CADPS2: variants seen among roughly 807,000 people sequenced by gnomAD.
CADPS2 encodes calcium-dependent secretion activator 2.
CADPS2 carries 93 observed loss-of-function variants against 172.5 expected under a neutral mutation model. That is an observed-to-expected ratio of 0.54 (90% CI 0.46 to 0.64). The LOEUF (loss-of-function observed/expected upper bound fraction) is 0.64, where lower values mean the gene tolerates loss of function less well. CADPS2 is among the 30% of genes least tolerant of loss of function. The pLI is 0.00. For missense variants in CADPS2, 1,420 were observed against 1,565.9 expected (o/e 0.91, Z 1.57); for synonymous variants, 546 against 555.2 (o/e 0.98, Z 0.23).
At chr7:122,673,376 A>G (rs1418553031) in intron 2 of CADPS2, among the ~76,000 whole-genome samples, 1 of 152,190 alleles carries the variant, frequency 6.6e-6, no homozygotes, top group Non-Finnish European at 1.5e-5. Context: ...GTGCATTTAC[A>G]ATCCCTGAGC....
chr7:122,871,720 A>G (rs1161321312), intron 1 of CADPS2, among the ~76,000 whole-genome samples: 1 of 152,034 alleles, frequency 6.6e-6, no homozygotes, highest in Non-Finnish European at 1.5e-5. Context: ...AACATTTTCA[A>G]TCTCCATCTT....
chr7:122,557,907 GA>G, intron 7 of CADPS2, among the ~76,000 whole-genome samples: 1 of 152,266 alleles, frequency 6.6e-6, no homozygotes, highest in South Asian at 2.1e-4. Context: ...GTCACCTTGG[GA>G]AAAGGTGATC....
At chr7:122,844,551 A>C (rs2140980857) in intron 1 of CADPS2, among the ~76,000 whole-genome samples, 1 of 152,366 alleles carries the variant, frequency 6.6e-6, no homozygotes, top group Non-Finnish European at 1.5e-5. Context: ...TTATCACATT[A>C]ATGCACAGGA....
At chr7:122,361,860 G>A (rs1400755312) in intron 25 of CADPS2, among the ~76,000 whole-genome samples, 1 of 152,020 alleles carries the variant, frequency 6.6e-6, no homozygotes, top group Non-Finnish European at 1.5e-5. Context: ...GATCGCCTGA[G>A]GTCAGGAGTT....
intron 1 of CADPS2, among the ~76,000 whole-genome samples, chr7:122,824,147 G>A (rs183436962): frequency 6.6e-6 from 1 of 152,180 alleles, no homozygotes; most frequent in African/African-American, 2.4e-5. Context: ...AAAAAATATA[G>A]ATAATACAGT....
At chr7:122,833,289 T>C (rs981266118) in intron 1 of CADPS2, among the ~76,000 whole-genome samples, 4 of 152,244 alleles carry the variant, frequency 2.6e-5, no homozygotes, top group African/African-American at 9.6e-5. Context: ...TTTCACCATA[T>C]TGTTATTGTA....
chr7:122,407,402 G>C (rs1446262966), intron 20 of CADPS2, 138 bp downstream of exon 20: 1 of 876,760 alleles, frequency 1.1e-6, no homozygotes. Flanking sequence ...TGACATAATC[G>C]GGCAGGCTGA....
At chr7:122,764,171 T>A (rs1179888890) in intron 1 of CADPS2, among the ~76,000 whole-genome samples, 1 of 152,102 alleles carries the variant, frequency 6.6e-6, no homozygotes, top group African/African-American at 2.4e-5. Context: ...AGCTTAGATA[T>A]CACATTCTCC....
chr7:122,751,792 C>T (rs184402008), intron 1 of CADPS2, among the ~76,000 whole-genome samples: 35 of 152,262 alleles, frequency 2.3e-4, no homozygotes, highest in African/African-American at 7.9e-4. Flanking sequence ...AAGGCTGCTA[C>T]GCAGTGAAAT....
chr7:122,559,476 G>A (rs2065445431), intron 7 of CADPS2, among the ~76,000 whole-genome samples: 2 of 152,062 alleles, frequency 1.3e-5, no homozygotes, highest in Admixed American at 1.3e-4. Flanking sequence ...GTTCTTAAAA[G>A]ATAAGAAGAG....
intron 3 of CADPS2, among the ~76,000 whole-genome samples, chr7:122,650,052 G>A (rs2078992994): frequency 1.3e-5 from 2 of 150,840 alleles, no homozygotes; most frequent in South Asian, 4.2e-4. Flanking sequence ...GGGATTACAT[G>A]CGCGTGCCAC....
At chr7:122,875,071 G>A (rs1820849508) in intron 1 of CADPS2, among the ~76,000 whole-genome samples, 1 of 152,172 alleles carries the variant, frequency 6.6e-6, no homozygotes, top group African/African-American at 2.4e-5. Flanking sequence ...GGCATAAATT[G>A]TTGCATAATT....
At chr7:122,614,460 A>G (rs35604970) in intron 6 of CADPS2, among the ~76,000 whole-genome samples, 6,127 of 152,222 alleles carry the variant, frequency 0.04, 218 homozygotes, top group Non-Finnish European at 0.057. Context: ...CCTAAATCCT[A>G]TAAGATATTT....
intron 6 of CADPS2, among the ~76,000 whole-genome samples, chr7:122,584,503 T>C (rs959969252): frequency 1.3e-5 from 2 of 152,008 alleles, no homozygotes; most frequent in Admixed American, 6.6e-5. Flanking sequence ...ACTTTTATTG[T>C]TCTTTTCAAA....
intron 2 of CADPS2, among the ~76,000 whole-genome samples, chr7:122,692,608 G>A (rs1184465694): frequency 2.0e-5 from 3 of 152,122 alleles, no homozygotes; most frequent in African/African-American, 4.8e-5. Flanking sequence ...CCACATAGCC[G>A]ACCCAAGACC....
rs150530195 is a variant in CADPS2 at position 122,477,083 on chromosome 7, G to A, written c.1862-2566C>T. Among the ~76,000 whole-genome samples the A allele has an allele frequency of 6.2e-3, 765 of 123,066 alleles. 5 individuals carry two copies. The highest frequency in any genetic ancestry group is 8.7e-3 in the Non-Finnish European group (505 of 57,820). 80.7% of individuals were successfully genotyped at this position (123,066 alleles called of 152,430 possible). ...GAGAGAGAGAGAGAGAGAGAGAGAGGGAGAGAGAGAGGTAGGTAGATAGGC... is the reference window on the plus strand; with the variant it reads ...GAGAGAGAGAGAGAGAGAGAGAGAGAGAGAGAGAGAGGTAGGTAGATAGGC... On this transcript the variant is annotated intron_variant, in intron 12 of 29. Transcript: ENST00000449022.
intron 1 of CADPS2, among the ~76,000 whole-genome samples, chr7:122,785,482 T>G (rs1793805369): frequency 6.6e-6 from 1 of 152,190 alleles, no homozygotes; most frequent in Non-Finnish European, 1.5e-5. Flanking sequence ...GCATTAGTAC[T>G]TATGTAAATA....
At chr7:122,623,188 A>C (rs2075767710) in intron 4 of CADPS2, among the ~76,000 whole-genome samples, 1 of 151,718 alleles carries the variant, frequency 6.6e-6, no homozygotes, top group Non-Finnish European at 1.5e-5. Context: ...TGTATCCTTA[A>C]GAAAAACAGG....
intron 1 of CADPS2, among the ~76,000 whole-genome samples, chr7:122,805,590 T>G (rs1798625661): frequency 6.6e-6 from 1 of 152,242 alleles, no homozygotes. Flanking sequence ...GCCTAAGTTG[T>G]GGTCCTTCCA....
Sources: allele counts gnomAD v4.1 joint callset (sites outside exome capture counted in the v4.1 genomes callset), GRCh38; gene constraint gnomAD v4.1.1; transcripts MANE v1.5; gene names NCBI Gene and HGNC (gene_info 2026-07-23, HGNC 2026-07-21).